SMS: variants seen among roughly 807,000 people sequenced by gnomAD.
SMS encodes the protein spermine synthase.
In SMS, 3 loss-of-function variants were observed where a neutral mutation model predicts 33.0. That is an observed-to-expected ratio of 0.09 (90% confidence interval 0.04 to 0.23). The LOEUF (loss-of-function observed/expected upper bound fraction) is 0.23, where lower values mean the gene tolerates loss of function less well. SMS is among the 10% of genes least tolerant of loss of function. The pLI is 1.00. For missense variants in SMS, 117 were observed against 288.6 expected (o/e 0.41, Z 4.31); for synonymous variants, 103 against 112.2 (o/e 0.92, Z 0.52).
intron 9 of SMS, among the ~76,000 whole-genome samples, chrX:21,990,782 C>A (rs1160888849): frequency 8.9e-6 from 1 of 112,827 alleles, no homozygotes; most frequent in East Asian, 2.8e-4. Context: ...TATAGCTTCC[C>A]CAGTGGTGAT....
intron 9 of SMS, among the ~76,000 whole-genome samples, chrX:21,989,371 G>A (rs909951941): frequency 3.6e-5 from 4 of 111,749 alleles, no homozygotes; most frequent in Non-Finnish European, 5.6e-5. Context: ...CCATAGTGAA[G>A]CCTCAAAGGG....
intron 1 of SMS, among the ~76,000 whole-genome samples, chrX:21,944,522 C>CAA (rs777680386): frequency 7.5e-3 from 260 of 34,573 alleles, no homozygotes; most frequent in African/African-American, 0.018. Context: ...CCTGTCTCTA[C>CAA]AAAAAAAAAA....
Position 21,980,429 on chromosome X carries a change from A to AAAAAAAAAT in SMS, c.750+1464_750+1465insAAAAAAATA, listed in dbSNP as rs1260210326. Among the ~76,000 whole-genome samples, 145 of 62,978 alleles carry AAAAAAAAAT rather than the reference A, an allele frequency of 2.3e-3. 2 individuals are homozygous for AAAAAAAAAT. Among genetic ancestry groups the AAAAAAAAAT allele is most frequent in the Non-Finnish European group, 3.4e-3 (110 of 32,519 alleles). The allele number at this position is 62,978 out of a possible 115,157, so 54.7% of individuals were successfully genotyped here. On this transcript the variant is annotated intron_variant, in intron 7 of 10. Transcript: ENST00000404933. Reference sequence around the variant, plus strand: ...GAGACTGTCTCCAAAAAAAAAAAAAAATATATATATATATATATATATATT... The same window carrying AAAAAAAAAT: ...GAGACTGTCTCCAAAAAAAAAAAAAAAAAAAAAATATATATATATATATATATATATATT...
At chrX:21,988,907 T>C (rs1035105453) in intron 9 of SMS, among the ~76,000 whole-genome samples, 1 of 109,590 alleles carries the variant, frequency 9.1e-6, no homozygotes, top group Admixed American at 9.8e-5. Context: ...GGAAGTGTTT[T>C]CATGGAACCT....
intron 7 of SMS, among the ~76,000 whole-genome samples, chrX:21,980,515 T>TA (rs1168537511): frequency 9.5e-5 from 10 of 105,588 alleles, no homozygotes; most frequent in Non-Finnish European, 1.7e-4. Flanking sequence ...AATTATAAAT[T>TA]ACTTGAATAA....
chrX:21,963,418 C>A (rs928194109), intron 1 of SMS, among the ~76,000 whole-genome samples: 1 of 112,623 alleles, frequency 8.9e-6, no homozygotes, highest in African/African-American at 3.2e-5. Flanking sequence ...AATGAGCTTC[C>A]AGAAACACGT....
chrX:21,974,396 C>G (rs183797061), intron 4 of SMS, among the ~76,000 whole-genome samples: 105 of 112,037 alleles, frequency 9.4e-4, no homozygotes, highest in African/African-American at 3.1e-3. Context: ...TTAGGGTCCC[C>G]AGCCATGTCT....
intron 1 of SMS, among the ~76,000 whole-genome samples, chrX:21,950,954 T>C (rs767871173): frequency 1.8e-5 from 2 of 112,242 alleles, no homozygotes; most frequent in Non-Finnish European, 3.8e-5. Flanking sequence ...CTTTTGGGTA[T>C]ATACCCAGTA....
chrX:21,984,354 G>A lies in SMS; in HGVS notation c.801G>A (p.Gly267=), dbSNP rs1569354275. ...IPVLKRYAKE[G]REFDYVINDL... ...TACTGAAGAGGTACGCCAAAGAAGG[G>A]AGAGAATTTGATTATGTGATTAATG... The change falls in exon 8 of 11, where the codon GGG becomes GGA. Residue 267 remains glycine (G), a synonymous_variant. Coordinates refer to ENST00000404933, the MANE Select transcript of SMS (RefSeq NM_004595.5). 1 of 1,196,093 alleles carries A rather than the reference G, an allele frequency of 8.4e-7. No homozygotes were observed. Among genetic ancestry groups the A allele is most frequent in the East Asian group, 3.0e-5 (1 of 33,699 alleles).
intron 9 of SMS, among the ~76,000 whole-genome samples, chrX:21,985,842 GT>G (rs1925288051): frequency 9.0e-6 from 1 of 111,113 alleles, no homozygotes; most frequent in Admixed American, 9.7e-5. Flanking sequence ...GGACAACATA[GT>G]AAGACTCCAT....
At chrX:21,952,406 G>GTTGT (rs200941331) in intron 1 of SMS, among the ~76,000 whole-genome samples, 2 of 81,370 alleles carry the variant, frequency 2.5e-5, no homozygotes, top group Admixed American at 1.3e-4. Flanking sequence ...GGTGGATCAC[G>GTTGT]TTGTTTGTTT....
chrX:21,971,153 G>GT (rs200934438), intron 2 of SMS, among the ~76,000 whole-genome samples: 1,761 of 109,409 alleles, frequency 0.016, 42 homozygotes, highest in African/African-American at 0.055. Context: ...CCGAGATCAT[G>GT]TCACTGCACT....
intron 1 of SMS, among the ~76,000 whole-genome samples, chrX:21,955,858 G>T (rs1180107112): frequency 8.9e-6 from 1 of 112,041 alleles, no homozygotes; most frequent in Non-Finnish European, 1.9e-5. Flanking sequence ...CCTTCCAGAT[G>T]AAAGGCAGGC....
intron 4 of SMS, 101 bp downstream of exon 4, chrX:21,972,672 G>A: frequency 1.8e-6 from 1 of 570,270 alleles, no homozygotes; most frequent in South Asian, 2.4e-5. Flanking sequence ...AATTTAGGAG[G>A]CCGAGGCAGG....
chrX:21,971,849 A>C (rs375125474), intron 2 of SMS, 48 bp from the exon 3 acceptor site: 94 of 811,710 alleles, frequency 1.2e-4, no homozygotes, highest in Non-Finnish European at 1.6e-4. Context: ...TTTTTTTTTT[A>C]ATGCCCCGAT....
chrX:21,957,627 C>T (rs1326146163), intron 1 of SMS, among the ~76,000 whole-genome samples: 1 of 111,885 alleles, frequency 8.9e-6, no homozygotes, highest in Non-Finnish European at 1.9e-5. Context: ...GGGTATATAC[C>T]CAGTAATGGG....
chrX:21,979,447 T>C (rs1461857525), intron 7 of SMS, among the ~76,000 whole-genome samples: 1 of 109,313 alleles, frequency 9.1e-6, no homozygotes, highest in African/African-American at 3.3e-5. Context: ...AGTGAGAACA[T>C]GCGGTGTTTG....
intron 7 of SMS, among the ~76,000 whole-genome samples, chrX:21,980,174 ATAATT>A (rs977115351): frequency 7.3e-5 from 8 of 109,829 alleles, no homozygotes; most frequent in South Asian, 3.7e-4. Context: ...CGTTAGGTGA[ATAATT>A]TAAAGGAGGA....
intron 1 of SMS, among the ~76,000 whole-genome samples, chrX:21,947,086 G>A (rs938118539): frequency 2.7e-5 from 3 of 111,987 alleles, no homozygotes; most frequent in Admixed American, 1.9e-4. Flanking sequence ...GTGGAAGCAT[G>A]TCTTCTTTGT....
Sources: gnomAD v4.1 joint callset for allele counts (sites outside exome capture counted in the v4.1 genomes callset) on GRCh38, gnomAD v4.1.1 for gene constraint, MANE v1.5 for transcripts, NCBI Gene and HGNC (gene_info 2026-07-23, HGNC 2026-07-21) for gene names.